The following GSE1 variants were observed in gnomAD, a reference collection of about 807,000 sequenced individuals.
GSE1 encodes the protein Gse1 coiled-coil protein, also known as genetic suppressor element 1.
GSE1 carries 32 observed loss-of-function variants against 112.6 expected under a neutral mutation model. The observed-to-expected ratio is 0.28, with a 90% CI of 0.21 to 0.38. The LOEUF (loss-of-function observed/expected upper bound fraction) is 0.38. Among genes scored for constraint, GSE1 ranks in the 10% least tolerant of loss-of-function variants. GSE1 has a pLI of 1.00. For synonymous variants in GSE1, 1,115 were observed against 735.6 expected, an observed-to-expected ratio of 1.52 and a Z score of -8.35; for missense variants, 2,348 against 1,699.2, an observed-to-expected ratio of 1.38 and a Z score of -6.71.
At chr16:85,614,058 C>CT in intron 1 of GSE1, among the ~76,000 whole-genome samples, 1 of 151,160 alleles carries the variant, frequency 6.6e-6, no homozygotes, top group South Asian at 2.1e-4. Context: ...TCTCTCCCCC[C>CT]ACCCCCGGCG....
intron 13 of GSE1, 107 bp from the exon 14 acceptor site, chr16:85,668,033 T>C (rs1005647247): frequency 2.4e-6 from 2 of 830,278 alleles, no homozygotes; most frequent in East Asian, 5.0e-5. Flanking sequence ...CCCGGAGCCC[T>C]GCAGTCATGT....
chr16:85,668,445 A>AGG (rs764790090), intron 14 of GSE1, 21 bp downstream of exon 14: 4 of 956,738 alleles, frequency 4.2e-6, no homozygotes, highest in Non-Finnish European at 6.5e-6. Context: ...GCTGGGGAAG[A>AGG]GGGGGGAGGG....
intron 1 of GSE1, among the ~76,000 whole-genome samples, chr16:85,560,439 T>C (rs2045465229): frequency 6.6e-6 from 1 of 152,106 alleles, no homozygotes; most frequent in South Asian, 2.1e-4. Flanking sequence ...TAGAGCTTCT[T>C]AGTGGGGACC....
At chr16:85,541,856 G>C (rs2044530277) in intron 2 of GSE1, among the ~76,000 whole-genome samples, 1 of 152,212 alleles carries the variant, frequency 6.6e-6, no homozygotes, top group Non-Finnish European at 1.5e-5. Context: ...TTCTCCATCT[G>C]CAGAAGGGGA....
intron 1 of GSE1, among the ~76,000 whole-genome samples, chr16:85,210,754 G>A (rs1164263778): frequency 1.3e-5 from 2 of 152,310 alleles, no homozygotes; most frequent in East Asian, 1.9e-4. Flanking sequence ...GGTGCCACCC[G>A]CTGCCCATTG....
At chr16:85,520,777 C>A (rs2052157137) in intron 2 of GSE1, among the ~76,000 whole-genome samples, 1 of 152,162 alleles carries the variant, frequency 6.6e-6, no homozygotes, top group Non-Finnish European at 1.5e-5. Context: ...CCAACACACA[C>A]CCACATTCTG....
exon 1 of GSE1, chr16:85,170,712 G>A: frequency 1.0e-6 from 1 of 985,682 alleles, no homozygotes; most frequent in South Asian, 4.7e-5. Context: ...CTCAGGCCCC[G>A]TTCTTCCCCT....
Position 85,356,353 on chromosome 16 carries a change from C to T in GSE1, c.2284-1110C>T, listed in dbSNP as rs557387952. ...GCTGCACCCTTGCAGTCCTGGCCCT[C>T]GCACGGGTCCGTTCCCTTGGCAGGG... On this transcript the variant is annotated intron_variant, in intron 1 of 2. Transcript: ENST00000637419. 3.3e-5 allele frequency among the ~76,000 whole-genome samples: 5 copies of T among 152,380 alleles called. No individual in the cohort carries two copies. The South Asian group carries it at 6.2e-4, about 19-fold the overall frequency.
intron 2 of GSE1, among the ~76,000 whole-genome samples, chr16:85,481,622 A>G (rs1190698863): frequency 1.3e-5 from 2 of 152,148 alleles, no homozygotes; most frequent in Non-Finnish European, 2.9e-5. Context: ...GTTTTCTGGA[A>G]GTGCTTGATG....
At chr16:85,663,770 G>A (rs1363605469) in intron 11 of GSE1, among the ~76,000 whole-genome samples, 156 bp downstream of exon 11, 1 of 152,244 alleles carries the variant, frequency 6.6e-6, no homozygotes, top group Non-Finnish European at 1.5e-5. Context: ...CAGCCTCTCT[G>A]TTCTTACAAG....
intron 1 of GSE1, among the ~76,000 whole-genome samples, chr16:85,587,881 G>C (rs1357962684): frequency 6.6e-6 from 1 of 152,184 alleles, no homozygotes; most frequent in Admixed American, 6.5e-5. Flanking sequence ...CGGTGAAAGA[G>C]TTAAGGTTTT....
intron 1 of GSE1, among the ~76,000 whole-genome samples, chr16:85,333,608 C>T (rs575173604): frequency 3.0e-4 from 45 of 152,214 alleles, no homozygotes; most frequent in African/African-American, 1.1e-3. Context: ...GTTTCTTCCT[C>T]TATACAATGG....
At chr16:85,232,892 G>C (rs568307522) in intron 1 of GSE1, among the ~76,000 whole-genome samples, 2 of 152,264 alleles carry the variant, frequency 1.3e-5, no homozygotes, top group African/African-American at 4.8e-5. Context: ...ATGGTCCCAG[G>C]TGTGAATTAA....
chr16:85,416,703 T>C (rs148907575), intron 2 of GSE1, among the ~76,000 whole-genome samples: 1 of 152,220 alleles, frequency 6.6e-6, no homozygotes, highest in Non-Finnish European at 1.5e-5. Flanking sequence ...CAAGAGTCCC[T>C]GGCAAAATCC....
chr16:85,554,265 A>T (rs2045083645), upstream of GSE1, among the ~76,000 whole-genome samples: 1 of 151,900 alleles, frequency 6.6e-6, no homozygotes, highest in South Asian at 2.1e-4. Context: ...TTCCCCTTCG[A>T]TTTGGGGAAT....
intron 2 of GSE1, among the ~76,000 whole-genome samples, chr16:85,646,702 A>G (rs939728081): frequency 3.9e-5 from 6 of 152,152 alleles, no homozygotes; most frequent in African/African-American, 1.2e-4. Flanking sequence ...TCCCCGCTGC[A>G]GGCTGCAGGC....
intron 1 of GSE1, among the ~76,000 whole-genome samples, chr16:85,205,115 A>T (rs1431056234): frequency 6.6e-6 from 1 of 151,826 alleles, no homozygotes; most frequent in African/African-American, 2.4e-5. Context: ...GTCTCCTTTA[A>T]TTTTTATTTA....
chr16:85,240,516 C>T (rs967558138), intron 1 of GSE1, among the ~76,000 whole-genome samples: 3 of 152,202 alleles, frequency 2.0e-5, no homozygotes, highest in Admixed American at 1.3e-4. Flanking sequence ...GGTTCGCAGC[C>T]CAGGAGTCCT....
At chr16:85,641,825 C>T (rs1168206810) in intron 2 of GSE1, among the ~76,000 whole-genome samples, 1 of 152,254 alleles carries the variant, frequency 6.6e-6, no homozygotes, top group East Asian at 1.9e-4. Context: ...CACTGGCTGG[C>T]GGCTTCCTGT....
Sources: gnomAD v4.1 joint callset for allele counts (sites outside exome capture counted in the v4.1 genomes callset) on GRCh38, gnomAD v4.1.1 for gene constraint, MANE v1.5 for transcripts, NCBI Gene and HGNC (gene_info 2026-07-23, HGNC 2026-07-21) for gene names.